Variants in ZBTB44 observed in about 807,000 individuals in gnomAD.
ZBTB44 encodes zinc finger and BTB domain containing 44, also known as zinc finger and BTB domain-containing protein 44.
ZBTB44 carries 15 observed loss-of-function variants against 54.0 expected under a neutral mutation model. The observed-to-expected ratio is 0.28, with a 90% CI of 0.19 to 0.43. ZBTB44 has a LOEUF of 0.43. Among genes scored for constraint, ZBTB44 ranks in the 20% least tolerant of loss-of-function variants. ZBTB44 has a pLI of 1.00. For missense variants in ZBTB44, 487 were observed against 707.1 expected (o/e 0.69, Z 3.53); for synonymous variants, 230 against 250.1 (o/e 0.92, Z 0.76).
At chr11:130,271,074 C>A (rs1347855033) in intron 1 of ZBTB44, among the ~76,000 whole-genome samples, 1 of 152,114 alleles carries the variant, frequency 6.6e-6, no homozygotes, top group East Asian at 1.9e-4. Flanking sequence ...TTTCTCTCGA[C>A]CCTGTCCAGT....
chr11:130,239,352 G>C (rs915088306), intron 3 of ZBTB44: 1 of 153,684 alleles, frequency 6.5e-6, no homozygotes, highest in East Asian at 1.9e-4. Context: ...ATCAAGCAGG[G>C]AGGGAGTTAT....
intron 4 of ZBTB44, 62 bp downstream of exon 4, chr11:130,238,382 G>T: frequency 1.4e-6 from 2 of 1,436,022 alleles, no homozygotes; most frequent in Admixed American, 2.8e-5. Context: ...ATTTTAACTG[G>T]GACTGCAAAA....
chr11:130,296,094 A>C, intron 1 of ZBTB44: 1 of 1,578,118 alleles, frequency 6.3e-7, no homozygotes, highest in Non-Finnish European at 8.7e-7. Flanking sequence ...AATTAAAGCA[A>C]ATTATTAAAC....
At chr11:130,275,400 A>T (rs1939983262) in intron 1 of ZBTB44, among the ~76,000 whole-genome samples, 1 of 152,170 alleles carries the variant, frequency 6.6e-6, no homozygotes. Context: ...GCTGGTCTCA[A>T]ACTCCTGGGC....
At chr11:130,260,495 T>C (rs558014011) in intron 2 of ZBTB44, among the ~76,000 whole-genome samples, 17 of 152,376 alleles carry the variant, frequency 1.1e-4, no homozygotes, top group African/African-American at 2.6e-4. Context: ...ATTAACCTAA[T>C]TGTCATTGCA....
chr11:130,238,682 T>C (rs1053719226), intron 3 of ZBTB44, 75 bp from the exon 4 acceptor site: 1 of 1,346,158 alleles, frequency 7.4e-7, no homozygotes, highest in Non-Finnish European at 9.7e-7. Context: ...AGGTCAATTT[T>C]AAATGAAAAA....
At chr11:130,292,520 A>G (rs1489303450) in intron 1 of ZBTB44, among the ~76,000 whole-genome samples, 1 of 152,222 alleles carries the variant, frequency 6.6e-6, no homozygotes, top group East Asian at 1.9e-4. Flanking sequence ...AAAAAAATTA[A>G]AAATTAAAAA....
chr11:130,300,593 T>C (rs1243654407), intron 1 of ZBTB44, among the ~76,000 whole-genome samples: 1 of 152,090 alleles, frequency 6.6e-6, no homozygotes, highest in East Asian at 1.9e-4. Flanking sequence ...AAGAGATAGA[T>C]ACACAGAATA....
At chr11:130,302,218 G>A (rs559368999) in intron 1 of ZBTB44, among the ~76,000 whole-genome samples, 1 of 152,164 alleles carries the variant, frequency 6.6e-6, no homozygotes, top group East Asian at 1.9e-4. Context: ...TACCAGTGAG[G>A]AAAAGGCAGC....
intron 1 of ZBTB44, among the ~76,000 whole-genome samples, chr11:130,291,337 C>T (rs930653612): frequency 6.6e-6 from 1 of 152,098 alleles, no homozygotes; most frequent in African/African-American, 2.4e-5. Context: ...CAGGGTTTCA[C>T]TATGTTGGCC....
chr11:130,270,885 T>C (rs979396267), intron 1 of ZBTB44, among the ~76,000 whole-genome samples: 3 of 152,352 alleles, frequency 2.0e-5, no homozygotes, highest in African/African-American at 7.2e-5. Context: ...AATTTATACA[T>C]GAAGTTGCCC....
chr11:130,255,872 CAA>C, intron 2 of ZBTB44, among the ~76,000 whole-genome samples: 1 of 108,314 alleles, frequency 9.2e-6, no homozygotes, highest in Non-Finnish European at 1.8e-5. Context: ...AGACCAATAA[CAA>C]ATTCTAAAGT....
intron 1 of ZBTB44, among the ~76,000 whole-genome samples, chr11:130,309,990 A>G (rs1319620512): frequency 1.3e-5 from 2 of 152,064 alleles, no homozygotes; most frequent in African/African-American, 4.8e-5. Context: ...TAAAAGCTAC[A>G]GTTCTATTTT....
chr11:130,313,796 T>C (rs1372703327), intron 1 of ZBTB44, among the ~76,000 whole-genome samples: 1 of 152,148 alleles, frequency 6.6e-6, no homozygotes, highest in African/African-American at 2.4e-5. Context: ...CGCAATTTCC[T>C]TTTAATCAGT....
At chr11:130,286,941 T>C (rs1941002311) in intron 1 of ZBTB44, among the ~76,000 whole-genome samples, 1 of 152,220 alleles carries the variant, frequency 6.6e-6, no homozygotes, top group Non-Finnish European at 1.5e-5. Flanking sequence ...GCTATCATTA[T>C]TGACAGATCT....
chr11:130,266,519 A>G (rs980998431), intron 1 of ZBTB44, among the ~76,000 whole-genome samples: 6 of 152,210 alleles, frequency 3.9e-5, no homozygotes, highest in Admixed American at 1.3e-4. Context: ...GATTCCTCTG[A>G]CGGATCTGCA....
chr11:130,255,428 AC>A (rs1375966664), intron 2 of ZBTB44, among the ~76,000 whole-genome samples: 2 of 152,176 alleles, frequency 1.3e-5, no homozygotes, highest in Admixed American at 1.3e-4. Context: ...AATTTATAGC[AC>A]TAAATGCTCA....
intron 1 of ZBTB44, chr11:130,295,980 T>C: frequency 1.9e-6 from 3 of 1,546,550 alleles, no homozygotes; most frequent in African/African-American, 1.4e-5. Context: ...CACCAGGCCG[T>C]CTGCTGTATC....
At chr11:130,253,474 T>C (rs1181684484) in intron 2 of ZBTB44, among the ~76,000 whole-genome samples, 1 of 152,104 alleles carries the variant, frequency 6.6e-6, no homozygotes, top group African/African-American at 2.4e-5. Flanking sequence ...TCACAATTGC[T>C]TCAAAGAAAA....
Sources: allele counts gnomAD v4.1 joint callset (sites outside exome capture counted in the v4.1 genomes callset), GRCh38; gene constraint gnomAD v4.1.1; transcripts MANE v1.5; gene names NCBI Gene and HGNC (gene_info 2026-07-23, HGNC 2026-07-21).